THSD4: variants seen among roughly 807,000 people sequenced by gnomAD.
THSD4 encodes thrombospondin type 1 domain containing 4, also known as thrombospondin type-1 domain-containing protein 4.
In THSD4, 69 loss-of-function variants were observed where a neutral mutation model predicts 119.0. The ratio of observed to expected loss-of-function variants is 0.58; its 90% CI spans 0.48 to 0.71. THSD4 has a LOEUF of 0.71. Ranked by LOEUF, THSD4 falls within the 30% of genes least tolerant of loss-of-function variation. The probability of loss-of-function intolerance (pLI) is 0.00; values close to 1 mark genes in which losing one functional copy is unlikely to be tolerated. For missense variants in THSD4, 1,393 were observed against 1,391.1 expected, an observed-to-expected ratio of 1.00 and a Z score of -0.02; for synonymous variants, 524 against 540.4, an observed-to-expected ratio of 0.97 and a Z score of 0.42.
intron 8 of THSD4, among the ~76,000 whole-genome samples, chr15:71,674,062 G>T (rs1042663471): frequency 1.3e-5 from 2 of 152,234 alleles, no homozygotes; most frequent in Non-Finnish European, 2.9e-5. Flanking sequence ...AAGTAGACAT[G>T]CTTCTTCTGT....
chr15:71,432,084 T>A (rs2046949850), intron 7 of THSD4, among the ~76,000 whole-genome samples: 1 of 151,972 alleles, frequency 6.6e-6, no homozygotes, highest in African/African-American at 2.4e-5. Context: ...CCAAGACATA[T>A]CAGATTTCTA....
chr15:71,428,477 AATG>A (rs1384569058), intron 7 of THSD4, among the ~76,000 whole-genome samples: 1 of 152,206 alleles, frequency 6.6e-6, no homozygotes, highest in Admixed American at 6.5e-5. Flanking sequence ...TGCTTAGCCT[AATG>A]ATGACTCAAG....
chr15:71,302,483 C>T (rs1343051235), intron 6 of THSD4, among the ~76,000 whole-genome samples: 2 of 152,062 alleles, frequency 1.3e-5, no homozygotes, highest in Non-Finnish European at 2.9e-5. Flanking sequence ...GGCCCCATTT[C>T]TGCCTTGATG....
intron 6 of THSD4, among the ~76,000 whole-genome samples, chr15:71,286,315 C>T (rs1217991273): frequency 2.6e-5 from 4 of 152,320 alleles, no homozygotes; most frequent in East Asian, 1.9e-4. Context: ...TCCTCCCACC[C>T]TCTGCCCTTC....
chr15:71,337,268 C>T (rs1404777562), intron 6 of THSD4, among the ~76,000 whole-genome samples: 4 of 152,130 alleles, frequency 2.6e-5, no homozygotes, highest in Non-Finnish European at 5.9e-5. Flanking sequence ...GTGGCCCCAC[C>T]TGGACATACA....
intron 4 of THSD4, among the ~76,000 whole-genome samples, chr15:71,219,010 A>T (rs1329424675): frequency 2.0e-5 from 3 of 152,134 alleles, no homozygotes; most frequent in Non-Finnish European, 4.4e-5. Context: ...TTGTTTGCAA[A>T]ATTACCATTT....
chr15:71,342,704 C>CGTGGAGG (rs2045599314), intron 6 of THSD4: 1 of 152,316 alleles, frequency 6.6e-6, no homozygotes, highest in Non-Finnish European at 1.5e-5. Context: ...GGAGGGGATC[C>CGTGGAGG]CACCTCAGCC....
At chr15:71,549,116 G>A (rs2048886940) in intron 7 of THSD4, among the ~76,000 whole-genome samples, 1 of 152,224 alleles carries the variant, frequency 6.6e-6, no homozygotes, top group Non-Finnish European at 1.5e-5. Flanking sequence ...GATTATACAG[G>A]CTCACCCAAA....
intron 7 of THSD4, among the ~76,000 whole-genome samples, chr15:71,422,531 T>C (rs1400980088): frequency 6.6e-6 from 1 of 152,166 alleles, no homozygotes; most frequent in Non-Finnish European, 1.5e-5. Flanking sequence ...CCTTACTTTC[T>C]CCTACAAGAA....
chr15:71,343,515 C>G (rs2045609827), intron 6 of THSD4, among the ~76,000 whole-genome samples: 1 of 152,110 alleles, frequency 6.6e-6, no homozygotes, highest in Admixed American at 6.6e-5. Flanking sequence ...TCCTCACTTT[C>G]CTCTTCCAGC....
chr15:71,675,630 C>G (rs1407314963), intron 8 of THSD4, among the ~76,000 whole-genome samples: 2 of 152,186 alleles, frequency 1.3e-5, no homozygotes, highest in African/African-American at 4.8e-5. Flanking sequence ...TATTACTACT[C>G]ACTAGATGCT....
At chr15:71,434,268 A>G (rs546781666) in intron 7 of THSD4, among the ~76,000 whole-genome samples, 1 of 152,280 alleles carries the variant, frequency 6.6e-6, no homozygotes, top group African/African-American at 2.4e-5. Flanking sequence ...ACATATGCAT[A>G]CATGTAAACA....
chr15:71,414,151 CT>C (rs2046726375), intron 7 of THSD4, among the ~76,000 whole-genome samples: 1 of 152,234 alleles, frequency 6.6e-6, no homozygotes, highest in African/African-American at 2.4e-5. Context: ...CTCTGTGCTT[CT>C]GTACATCATC....
intron 6 of THSD4, among the ~76,000 whole-genome samples, chr15:71,349,434 C>G (rs1189013256): frequency 6.6e-6 from 1 of 152,154 alleles, no homozygotes. Flanking sequence ...TCTCCACATG[C>G]CTGTCCATCT....
At chr15:71,327,558 GAAGTC>G (rs570428098) in intron 6 of THSD4, among the ~76,000 whole-genome samples, 3 of 152,148 alleles carry the variant, frequency 2.0e-5, no homozygotes, top group Non-Finnish European at 4.4e-5. Context: ...AAAGCTCTAA[GAAGTC>G]AAGAATTCTG....
At chr15:71,391,364 A>G (rs2046377208) in intron 6 of THSD4, among the ~76,000 whole-genome samples, 1 of 152,052 alleles carries the variant, frequency 6.6e-6, no homozygotes, top group Non-Finnish European at 1.5e-5. Flanking sequence ...CTTTTTGTAG[A>G]GACAGGGTCT....
intron 8 of THSD4, among the ~76,000 whole-genome samples, chr15:71,687,605 A>T (rs2051941169): frequency 1.3e-5 from 2 of 152,090 alleles, no homozygotes; most frequent in Non-Finnish European, 2.9e-5. Flanking sequence ...AAATACAAAA[A>T]TTAGCCAGGA....
intron 8 of THSD4, among the ~76,000 whole-genome samples, chr15:71,720,833 C>T (rs1338373652): frequency 6.6e-6 from 1 of 152,228 alleles, no homozygotes; most frequent in African/African-American, 2.4e-5. Context: ...GGCTACTTAC[C>T]GTAGCTTCCA....
intron 6 of THSD4, among the ~76,000 whole-genome samples, chr15:71,370,219 T>C (rs1236067647): frequency 6.6e-6 from 1 of 152,148 alleles, no homozygotes; most frequent in Non-Finnish European, 1.5e-5. Context: ...TTTGTTGATC[T>C]TTTCAAAAAA....
Sources: gnomAD v4.1 joint callset for allele counts (sites outside exome capture counted in the v4.1 genomes callset) on GRCh38, gnomAD v4.1.1 for gene constraint, MANE v1.5 for transcripts, NCBI Gene and HGNC (gene_info 2026-07-23, HGNC 2026-07-21) for gene names.